Variants in MTIF2 observed in about 807,000 individuals in gnomAD.
The protein encoded by MTIF2 is translation initiation factor IF-2, mitochondrial.
A neutral mutation model predicts 83.5 loss-of-function variants in MTIF2; 71 were observed. The ratio of observed to expected loss-of-function variants is 0.85; its 90% CI spans 0.70 to 1.04. The LOEUF (loss-of-function observed/expected upper bound fraction) is 1.04, where lower values mean the gene tolerates loss of function less well. MTIF2 is among the 50% of genes least tolerant of loss of function. The pLI is 0.00. For synonymous variants in MTIF2, 319 were observed against 287.1 expected (o/e 1.11, Z -1.12); for missense variants, 957 against 846.5 (o/e 1.13, Z -1.62).
intron 8 of MTIF2, 33 bp downstream of exon 8, chr2:55,252,444 T>C (rs774294641): frequency 6.3e-7 from 1 of 1,594,656 alleles, no homozygotes; most frequent in African/African-American, 1.3e-5. Flanking sequence ...TTTGACTTTA[T>C]GTAGTAGATC....
intron 5 of MTIF2, among the ~76,000 whole-genome samples, chr2:55,260,947 T>A (rs1317888396): frequency 2.0e-5 from 3 of 152,000 alleles, no homozygotes; most frequent in African/African-American, 7.2e-5. Flanking sequence ...CATTTATAAA[T>A]AAAAATAATA....
chr2:55,252,860 A>G (rs573398837), intron 7 of MTIF2, among the ~76,000 whole-genome samples: 1 of 152,352 alleles, frequency 6.6e-6, no homozygotes, highest in South Asian at 2.1e-4. Flanking sequence ...TTTTCCATGT[A>G]AAAATTTCAA....
chr2:55,238,280 G>C (rs758426675), intron 14 of MTIF2, among the ~76,000 whole-genome samples: 1 of 151,654 alleles, frequency 6.6e-6, no homozygotes, highest in Non-Finnish European at 1.5e-5. Flanking sequence ...GCCTCCCAAA[G>C]TCCTCGGATG....
At chr2:55,265,101 G>C (rs1358654017) in intron 3 of MTIF2, among the ~76,000 whole-genome samples, 1 of 151,844 alleles carries the variant, frequency 6.6e-6, no homozygotes, top group African/African-American at 2.4e-5. Context: ...AAATCAGCCG[G>C]ACATGGTGGC....
chr2:55,239,943 T>C (rs1676176330), intron 14 of MTIF2, 68 bp downstream of exon 14: 2 of 1,360,752 alleles, frequency 1.5e-6, no homozygotes, highest in Non-Finnish European at 2.0e-6. Context: ...CTCTAAGCTT[T>C]GCTTTGAAGT....
chr2:55,249,415 C>T lies in MTIF2; in HGVS notation c.961G>A (p.Val321Met). 6.2e-7 allele frequency: 1 copy of T among 1,614,130 alleles called. No homozygotes were observed. The change falls in exon 9 of 16, where the codon GTG (valine) becomes ATG (methionine). Residue 321 changes from valine to methionine, a missense_variant. This residue lies in a region of MTIF2 where 733 missense variants were observed against 648.7 expected (regional missense o/e 1.13). Coordinates refer to ENST00000263629, the MANE Select transcript of MTIF2 (RefSeq NM_002453.3). ...CEDYGGDVQA[V>M]PVSALTGDNL... Reference sequence around the variant, plus strand: ...TTTACCGTAAGTGCGGAGACAGGCACTGCTTGAACATCACCTCCATAATCT... The same window carrying T: ...TTTACCGTAAGTGCGGAGACAGGCATTGCTTGAACATCACCTCCATAATCT...
intron 6 of MTIF2, 95 bp downstream of exon 6, chr2:55,254,559 A>C (rs556506845): frequency 1.8e-6 from 2 of 1,117,216 alleles, no homozygotes; most frequent in East Asian, 5.2e-5. Flanking sequence ...TCTTTATTAC[A>C]AAAGAAATTT....
At chr2:55,237,213 G>T in intron 15 of MTIF2, 75 bp downstream of exon 15, 2 of 1,459,778 alleles carry the variant, frequency 1.4e-6, no homozygotes, top group Non-Finnish European at 1.9e-6. Flanking sequence ...AAGATGAACA[G>T]ATTTCAGATG....
chr2:55,268,112 G>A (rs1678572323), intron 2 of MTIF2, among the ~76,000 whole-genome samples: 1 of 152,062 alleles, frequency 6.6e-6, no homozygotes, highest in African/African-American at 2.4e-5. Context: ...AATTAGCCGG[G>A]TACGGTGGCG....
At chr2:55,263,589 G>A in intron 4 of MTIF2, 51 bp downstream of exon 4, 1 of 1,428,108 alleles carries the variant, frequency 7.0e-7, no homozygotes, top group Non-Finnish European at 9.5e-7. Context: ...CAGCCGGGGT[G>A]ACAGGGTGAG....
intron 7 of MTIF2, among the ~76,000 whole-genome samples, chr2:55,252,962 A>G (rs1279199275): frequency 1.3e-5 from 2 of 152,222 alleles, no homozygotes; most frequent in Non-Finnish European, 2.9e-5. Context: ...CAATTGTTGT[A>G]CAGGCAGCCA....
intron 3 of MTIF2, chr2:55,266,591 A>G (rs1678446811): frequency 6.7e-6 from 1 of 148,616 alleles, no homozygotes; most frequent in Middle Eastern, 3.3e-3. Context: ...ATATGCTTAT[A>G]TTTTATATTT....
chr2:55,237,919 G>A (rs952437841), intron 14 of MTIF2, among the ~76,000 whole-genome samples: 1 of 152,008 alleles, frequency 6.6e-6, no homozygotes, highest in Non-Finnish European at 1.5e-5. Context: ...TCAAAGTGCT[G>A]AAATTACAGG....
At position 55,243,640 on chromosome 2, in the gene MTIF2, C is replaced by T. The variant is rs1377248084; in HGVS notation, c.1340G>A (p.Arg447Lys). The T allele has an allele frequency of 6.2e-7, 1 of 1,613,584 alleles. No individual in the cohort carries two copies. The change falls in exon 12 of 16, where the codon AGG (arginine) becomes AAG (lysine). Residue 447 changes from arginine (R) to lysine (K), a missense_variant. Coordinates refer to ENST00000263629, the MANE Select transcript of MTIF2 (RefSeq NM_002453.3). ...TTTCTCCTGTTCTTGTTCATATTTC[C>T]TCCAGTCAACAACTTCACGTGCCCT... ...EPRAREVVDW[R>K]KYEQEQEKGQ... is the part of the protein sequence containing the mutation.
At chr2:55,252,841 T>C (rs1010895951) in intron 7 of MTIF2, among the ~76,000 whole-genome samples, 188 bp from the exon 8 acceptor site, 3 of 152,236 alleles carry the variant, frequency 2.0e-5, no homozygotes, top group African/African-American at 7.2e-5. Context: ...GTGAGATTCT[T>C]ATGGGTTTTT....
At position 55,243,679 on chromosome 2, in the gene MTIF2, G is replaced by A. The variant is rs201701450; in HGVS notation, c.1312-11C>T. 7.7e-5 allele frequency: 124 copies of A among 1,607,090 alleles called. No homozygotes were observed. The highest frequency in any genetic ancestry group is 1.7e-5 in the Admixed American group (1 of 58,658). On this transcript the variant is annotated splice_polypyrimidine_tract_variant and intron_variant, in intron 11 of 15. Transcript: ENST00000263629. Reference sequence around the variant, plus strand: ...TTCACGTGCCCTTGGCTTTATAGGGGAAAAACGTATTATTTAATGAAATAG... The same window carrying A: ...TTCACGTGCCCTTGGCTTTATAGGGAAAAAACGTATTATTTAATGAAATAG...
intron 7 of MTIF2, among the ~76,000 whole-genome samples, chr2:55,253,622 C>G (rs1403820302): frequency 6.6e-6 from 1 of 151,806 alleles, no homozygotes; most frequent in African/African-American, 2.4e-5. Flanking sequence ...TGAGACCAGC[C>G]TGGCCAACAT....
At chr2:55,265,278 T>C (rs1022276846) in intron 3 of MTIF2, among the ~76,000 whole-genome samples, 3 of 151,276 alleles carry the variant, frequency 2.0e-5, no homozygotes, top group Non-Finnish European at 4.4e-5. Flanking sequence ...GAACATGTTT[T>C]CTTCTTAGGA....
At chr2:55,254,577 A>T in intron 6 of MTIF2, 77 bp downstream of exon 6, 2 of 1,263,434 alleles carry the variant, frequency 1.6e-6, no homozygotes, top group South Asian at 3.6e-5. Flanking sequence ...TTTTAAAGCA[A>T]ATCTTTCCAT....
Sources: gnomAD v4.1 joint callset for allele counts (sites outside exome capture counted in the v4.1 genomes callset) on GRCh38, gnomAD v4.1.1 for gene constraint, gnomAD v4.1.1 regional missense constraint, MANE v1.5 for transcripts, NCBI Gene and HGNC (gene_info 2026-07-23, HGNC 2026-07-21) for gene names.